Variants in SUPT7L observed in about 807,000 individuals in gnomAD.
The protein encoded by SUPT7L is STAGA complex 65 subunit gamma.
In SUPT7L, 15 loss-of-function variants were observed where a neutral mutation model predicts 35.7. The observed-to-expected ratio is 0.42, with a 90% CI of 0.28 to 0.65. The LOEUF is 0.65. SUPT7L is among the 30% of genes least tolerant of loss of function. The pLI is 0.23. For synonymous variants in SUPT7L, 168 were observed against 186.2 expected (o/e 0.90, Z 0.79); for missense variants, 434 against 522.2 (o/e 0.83, Z 1.65).
At chr2:27,658,778 C>A (rs1408089950) in intron 3 of SUPT7L, among the ~76,000 whole-genome samples, 1 of 152,180 alleles carries the variant, frequency 6.6e-6, no homozygotes, top group Non-Finnish European at 1.5e-5. Flanking sequence ...ATTTCCATGG[C>A]CAGTGTCTCT....
downstream of SUPT7L, among the ~76,000 whole-genome samples, chr2:27,647,597 T>G (rs1264327606): frequency 6.6e-6 from 1 of 152,200 alleles, no homozygotes; most frequent in Non-Finnish European, 1.5e-5. Flanking sequence ...TCTTGAAAAT[T>G]ATTTCCCTCA....
At chr2:27,644,075 TGAGGCTGGAGAGTCTCTTGAACCCGG>T in the SUPT7L span, among the ~76,000 whole-genome samples, 5 of 152,126 alleles carry the variant, frequency 3.3e-5, no homozygotes, top group Non-Finnish European at 7.4e-5. Flanking sequence ...AGCTACTCGC[TGAGGCTGGAGAGTCTCTTGAACCCGG>T]GAGGCAGAAG....
chr2:27,662,201 T>G lies in SUPT7L; in HGVS notation c.-9A>C. ...CACCTTTGCAGATTCATTGTCCATATGTCTCTTCAAGTTCAACAAACATTT... is the reference window on the plus strand; with the variant it reads ...CACCTTTGCAGATTCATTGTCCATAGGTCTCTTCAAGTTCAACAAACATTT... On this transcript the variant is annotated 5_prime_UTR_variant, in exon 2 of 6. Coordinates refer to ENST00000337768, the MANE Select transcript of SUPT7L (RefSeq NM_014860.3). 1 of 1,614,152 alleles carries G rather than the reference T, an allele frequency of 6.2e-7. No individual in the cohort carries two copies. The highest frequency in any genetic ancestry group is 1.1e-5 in the South Asian group (1 of 91,082).
rs531600089 is a variant in SUPT7L at position 27,652,017 on chromosome 2, A to T, written c.*1468T>A. 1 of 152,288 alleles carries T rather than the reference A, an allele frequency of 6.6e-6. No individual in the cohort carries two copies. Among genetic ancestry groups the T allele is most frequent in the African/African-American group, 2.4e-5 (1 of 41,520 alleles). 9.4% of individuals were successfully genotyped at this position (152,288 alleles called of 1,614,324 possible). On this transcript the variant is annotated 3_prime_UTR_variant, in exon 6 of 6. Transcript: ENST00000337768. ...GCAAAAATTAGCTGGGTGTGGTGGC[A>T]TGTGCGTGTAATCCCAGCTACTCAG...
rs914930176 is a variant in SUPT7L at position 27,657,249 on chromosome 2, T to A, written c.744+96A>T. The A allele has an allele frequency of 7.5e-7, 1 of 1,337,616 alleles. No homozygotes were observed. The highest frequency in any genetic ancestry group is 1.5e-5 in the African/African-American group (1 of 68,552). 82.9% of individuals were successfully genotyped at this position (1,337,616 alleles called of 1,614,324 possible). On this transcript the variant is annotated intron_variant, in intron 4 of 5. Transcript: ENST00000337768. This position sits in a 1 kb window ranked among gnomAD's most constrained non-coding sequence, Gnocchi z 5.2. ...TTAAGTTCACTCTGTTCCAAGACTCTGTGCTCTGCACTCTAGACCAAGTGT... is the reference window on the plus strand; with the variant it reads ...TTAAGTTCACTCTGTTCCAAGACTCAGTGCTCTGCACTCTAGACCAAGTGT...
At chr2:27,647,385 A>C (rs757790887), downstream of SUPT7L, among the ~76,000 whole-genome samples, 2 of 152,084 alleles carry the variant, frequency 1.3e-5, no homozygotes, top group African/African-American at 4.8e-5. Context: ...TGGCTCCTTG[A>C]TAACATTTCA....
At chr2:27,654,382 C>T (rs2148110277) in intron 5 of SUPT7L, among the ~76,000 whole-genome samples, 1 of 152,266 alleles carries the variant, frequency 6.6e-6, no homozygotes, top group African/African-American at 2.4e-5. Flanking sequence ...GACCTAATTC[C>T]ATTTAGACCA....
chr2:27,653,974 C>G (rs1200570090), intron 5 of SUPT7L, among the ~76,000 whole-genome samples: 1 of 152,166 alleles, frequency 6.6e-6, no homozygotes, highest in Non-Finnish European at 1.5e-5. Context: ...TTCTACCTTT[C>G]TTTCCTCTAC....
the SUPT7L span, among the ~76,000 whole-genome samples, chr2:27,643,166 CCCT>C: frequency 1.3e-5 from 2 of 149,966 alleles, no homozygotes; most frequent in African/African-American, 2.4e-5. The surrounding 1 kb of genome is among the most constrained non-coding windows in gnomAD (Gnocchi z 4.0). Context: ...ACACTTTTAA[CCCT>C]CCTCAATTTT....
chr2:27,653,400 C>G lies in SUPT7L; in HGVS notation c.*85G>C, dbSNP rs191190360. 4,109 of 1,513,776 alleles carry G rather than the reference C, an allele frequency of 2.7e-3. 14 individuals carry two copies. Among genetic ancestry groups the G allele is most frequent in the South Asian group, 4.4e-3 (334 of 76,528 alleles). 93.8% of individuals were successfully genotyped at this position (1,513,776 alleles called of 1,614,324 possible). On this transcript the variant is annotated 3_prime_UTR_variant, in exon 6 of 6. Coordinates refer to ENST00000337768, the MANE Select transcript of SUPT7L (RefSeq NM_014860.3). ...TTGTGTTTAAGAACAGGAGTCAAAT[C>G]AATTTTTAAGGAAACAGATTCTAAT... is the stretch of plus-strand genomic sequence containing the variant.
intron 4 of SUPT7L, among the ~76,000 whole-genome samples, chr2:27,656,025 A>C (rs1674792755): frequency 7.1e-6 from 1 of 141,258 alleles, no homozygotes; most frequent in Non-Finnish European, 1.6e-5. Flanking sequence ...CATCTCTACC[A>C]AAAAAAAAAA....
At position 27,662,301 on chromosome 2, in the gene SUPT7L, C is replaced by G; in HGVS notation, c.-89-20G>C. Reference sequence around the variant, plus strand: ...CTTGCCCTGAAGTGAGGAAGAGAAACAGAAGCAGAATATTTCAATATGAAA... The same window carrying G: ...CTTGCCCTGAAGTGAGGAAGAGAAAGAGAAGCAGAATATTTCAATATGAAA... On this transcript the variant is annotated intron_variant, in intron 1 of 5. Transcript: ENST00000337768. The G allele has an allele frequency of 8.3e-7, 1 of 1,207,868 alleles. No individual in the cohort carries two copies. Among genetic ancestry groups the G allele is most frequent in the Non-Finnish European group, 1.2e-6 (1 of 814,478 alleles). The allele number at this position is 1,207,868 out of a possible 1,614,324, so 74.8% of individuals were successfully genotyped here. A position where few individuals can be genotyped will look rare whatever the true frequency, so the allele number is the denominator to read the frequency against.
In SUPT7L at chr2:27,657,482, G is replaced by A. The variant is rs557391081; in HGVS notation, c.607C>T (p.Arg203Trp). The A allele has an allele frequency of 1.4e-5, 23 of 1,614,208 alleles. No homozygotes were observed. The highest frequency in any genetic ancestry group is 1.7e-5 in the Non-Finnish European group (20 of 1,180,046). Reference sequence around the variant, plus strand: ...GGAGTCTGTCCCAGCCGGGCCTCCCGGTCCACAGCAAAACGCAGCAACTTG... The same window carrying A: ...GGAGTCTGTCCCAGCCGGGCCTCCCAGTCCACAGCAAAACGCAGCAACTTG... Reference protein sequence around the residue: ...FTKLLRFAVDREARLGQTPFP... With the variant: ...FTKLLRFAVDWEARLGQTPFP... The change falls in exon 4 of 6, where the codon CGG (arginine) becomes TGG (tryptophan). Residue 203 changes from arginine (R) to tryptophan (W), a missense_variant. This residue lies in a region of SUPT7L where 198 missense variants were observed against 190.8 expected (regional missense o/e 1.04). Coordinates refer to ENST00000337768, the MANE Select transcript of SUPT7L (RefSeq NM_014860.3). The surrounding 1 kb of genome is among the most constrained non-coding windows in gnomAD (Gnocchi z 5.2).
chr2:27,647,477 C>T (rs988194608), downstream of SUPT7L, among the ~76,000 whole-genome samples: 5 of 152,190 alleles, frequency 3.3e-5, no homozygotes, highest in African/African-American at 1.2e-4. Flanking sequence ...CACTGTGACT[C>T]ACCAGCACAC....
downstream of SUPT7L, chr2:27,647,937 C>T (rs1437641046): frequency 3.8e-6 from 6 of 1,596,020 alleles, no homozygotes; most frequent in African/African-American, 8.0e-5. Context: ...TGACATTGAC[C>T]ACAGAGGTGA....
intron 5 of SUPT7L, 41 bp from the exon 6 acceptor site, chr2:27,653,788 G>A: frequency 1.2e-6 from 2 of 1,608,964 alleles, no homozygotes; most frequent in South Asian, 1.1e-5. Context: ...AAGTGTATAT[G>A]TGTAGCCAAG....
At chr2:27,648,067 A>G (rs1175004061), downstream of SUPT7L, 17 of 642,920 alleles carry the variant, frequency 2.6e-5, no homozygotes, top group Non-Finnish European at 2.8e-5. Flanking sequence ...AGCACCAGAA[A>G]AGAGTTTCCT....
Position 27,657,608 on chromosome 2 carries a change from C to T in SUPT7L, c.481G>A (p.Ala161Thr). ...WHSCRQLLYQ[A>T]VATILAHAGF... The stretch of plus-strand genomic sequence containing the variant: ...GCGTGGGCCAGGATTGTGGCCACTG[C>T]CTGGTAGAGGAGCTGCCGACAGGAG... Residue 161 changes from alanine to threonine, a missense_variant, in exon 4 of 6, where the codon GCA becomes ACA. Physicochemically the swap from Ala to Thr is moderately conservative, Grantham distance 58. This residue lies in a region of SUPT7L where 198 missense variants were observed against 190.8 expected (regional missense o/e 1.04). Transcript: ENST00000337768. This position sits in a 1 kb window ranked among gnomAD's most constrained non-coding sequence, Gnocchi z 5.2. The T allele has an allele frequency of 2.5e-6, 4 of 1,614,196 alleles. No homozygotes were observed. Among genetic ancestry groups the T allele is most frequent in the Non-Finnish European group, 3.4e-6 (4 of 1,180,020 alleles).
rs371633011 is a variant in SUPT7L, at chr2:27,660,147, TA to T, written c.419+836del. ...GGTGAGGCCTGAGATTCTGCATATC[TA>T]AAAAACTGCCAGGTGATGTTGATGC... On this transcript the variant is annotated intron_variant, in intron 3 of 5. Coordinates refer to ENST00000337768, the MANE Select transcript of SUPT7L (RefSeq NM_014860.3). Among the ~76,000 whole-genome samples the T allele has an allele frequency of 6.8e-3, 1,033 of 152,260 alleles. 17 individuals carry two copies. Among genetic ancestry groups the T allele is most frequent in the African/African-American group, 0.024 (979 of 41,558 alleles).
Sources: gnomAD v4.1 joint callset for allele counts (sites outside exome capture counted in the v4.1 genomes callset) on GRCh38, gnomAD v4.1.1 for gene constraint, gnomAD v4.1.1 regional missense constraint, Gnocchi (gnomAD v3.1) non-coding constraint, MANE v1.5 for transcripts, NCBI Gene and HGNC (gene_info 2026-07-23, HGNC 2026-07-21) for gene names.